CFAP70: variants seen among roughly 807,000 people sequenced by gnomAD.
CFAP70 encodes the protein cilia- and flagella-associated protein 70.
Under a neutral mutation model 137.6 loss-of-function variants are expected in CFAP70, and 81 were observed. The ratio of observed to expected loss-of-function variants is 0.59; its 90% CI spans 0.49 to 0.71. CFAP70 has a LOEUF of 0.71. CFAP70 is among the 30% of genes least tolerant of loss of function. The pLI is 0.00. For synonymous variants in CFAP70, 382 were observed against 423.6 expected, an observed-to-expected ratio of 0.90 and a Z score of 1.20; for missense variants, 976 against 1,226.7, an observed-to-expected ratio of 0.80 and a Z score of 3.05.
At chr10:73,292,148 G>T in intron 16 of CFAP70, 134 bp from the exon 18 acceptor site, 1 of 1,102,060 alleles carries the variant, frequency 9.1e-7, no homozygotes, top group Non-Finnish European at 1.3e-6. Context: ...GCTTATCACT[G>T]AATCTCAAAT....
chr10:73,273,557 G>A (rs1343249626), intron 23 of CFAP70, among the ~76,000 whole-genome samples: 1 of 152,196 alleles, frequency 6.6e-6, no homozygotes, highest in African/African-American at 2.4e-5. Flanking sequence ...ATCTATAGCT[G>A]AGCCTCAGCA....
At chr10:73,330,286 C>T (rs2051940710) in intron 8 of CFAP70, among the ~76,000 whole-genome samples, 2 of 151,670 alleles carry the variant, frequency 1.3e-5, no homozygotes. Flanking sequence ...CCTGTCTCTG[C>T]TAAAAATACA....
At chr10:73,340,496 G>A (rs925845150) in intron 6 of CFAP70, among the ~76,000 whole-genome samples, 4 of 152,228 alleles carry the variant, frequency 2.6e-5, no homozygotes, top group African/African-American at 4.8e-5. Context: ...GACCTAAGGC[G>A]GTCCCTGGCC....
chr10:73,311,904 C>G, exon 11 of CFAP70: 3 of 1,613,664 alleles, frequency 1.9e-6, no homozygotes, highest in Non-Finnish European at 2.5e-6. Flanking sequence ...AGATTTTATA[C>G]TAGGTGCCTG....
upstream of CFAP70, among the ~76,000 whole-genome samples, chr10:73,362,220 G>A (rs2055037963): frequency 6.6e-6 from 1 of 152,120 alleles, no homozygotes; most frequent in African/African-American, 2.4e-5. Flanking sequence ...AAAGAATGAA[G>A]TTGGACCCTT....
chr10:73,293,428 A>G (rs1204880435), intron 15 of CFAP70, 40 bp from the exon 17 acceptor site: 2 of 1,530,626 alleles, frequency 1.3e-6, no homozygotes, highest in Non-Finnish European at 8.8e-7. Flanking sequence ...AAAATGAAAC[A>G]ATTACAAGTA....
intron 6 of CFAP70, 121 bp downstream of exon 7, chr10:73,341,278 T>C: frequency 1.2e-6 from 1 of 857,092 alleles, no homozygotes; most frequent in Non-Finnish European, 1.8e-6. Flanking sequence ...ATGTGTTTTA[T>C]TTTGGCATGT....
chr10:73,310,095 T>G, intron 12 of CFAP70, 63 bp downstream of exon 13: 1 of 1,047,998 alleles, frequency 9.5e-7, no homozygotes, highest in Non-Finnish European at 1.4e-6. Context: ...GTGGGGACAA[T>G]CTGACTTCCT....
chr10:73,268,747 G>A (rs758905217), intron 25 of CFAP70, among the ~76,000 whole-genome samples: 4 of 151,342 alleles, frequency 2.6e-5, no homozygotes, highest in Non-Finnish European at 5.9e-5. Flanking sequence ...AGGTTGGAGT[G>A]CAGTGGCACA....
Position 73,339,860 on chromosome 10 carries a change from G to A in CFAP70, c.582+1539C>T, listed in dbSNP as rs547963760. Among the ~76,000 whole-genome samples, 19 of 152,318 alleles carry A rather than the reference G, an allele frequency of 1.2e-4. No homozygotes were observed. In the South Asian group the frequency reaches 2.9e-3, roughly 23 times the overall value. On this transcript the variant is annotated intron_variant, in intron 6 of 26. Coordinates refer to ENST00000310715, the Ensembl canonical transcript of CFAP70. Reference sequence around the variant, plus strand: ...GGGAGCTCCTAGGTCTGGGCTTCCCGAAGCACCATAACTCTTCTCTCTTCT... The same window carrying A: ...GGGAGCTCCTAGGTCTGGGCTTCCCAAAGCACCATAACTCTTCTCTCTTCT...
chr10:73,337,339 C>A (rs1315175086), intron 6 of CFAP70, among the ~76,000 whole-genome samples: 3 of 151,956 alleles, frequency 2.0e-5, no homozygotes, highest in Non-Finnish European at 2.9e-5. Flanking sequence ...CAGAAACCAG[C>A]AGGGCATGGT....
intron 25 of CFAP70, among the ~76,000 whole-genome samples, chr10:73,268,172 AG>A (rs1324051578): frequency 6.6e-6 from 1 of 152,186 alleles, no homozygotes; most frequent in Non-Finnish European, 1.5e-5. Context: ...ATCTTAGGGG[AG>A]GGGGCCATCT....
At chr10:73,263,626 C>T (rs2045487564) in intron 25 of CFAP70, among the ~76,000 whole-genome samples, 2 of 152,288 alleles carry the variant, frequency 1.3e-5, no homozygotes, top group Middle Eastern at 3.4e-3. Context: ...GTTCTCAGTG[C>T]ACCATATCAG....
At chr10:73,318,506 G>T (rs75734187) in intron 9 of CFAP70, among the ~76,000 whole-genome samples, 5 of 151,854 alleles carry the variant, frequency 3.3e-5, no homozygotes, top group South Asian at 4.2e-4. Context: ...ATAATAAAAG[G>T]GACAGTTAAA....
At chr10:73,287,493 G>T (rs550530489) in intron 19 of CFAP70, among the ~76,000 whole-genome samples, 16 of 152,212 alleles carry the variant, frequency 1.1e-4, no homozygotes, top group African/African-American at 3.9e-4. Flanking sequence ...TTAATCCTAG[G>T]TGATATATGC....
intron 3 of CFAP70, 85 bp from the exon 4 acceptor site, chr10:73,348,606 G>T: frequency 2.3e-6 from 2 of 875,088 alleles, no homozygotes; most frequent in Non-Finnish European, 3.4e-6. Context: ...CATTGTCAAA[G>T]ATATGTAAGT....
Position 73,256,435 on chromosome 10 carries a change from T to C in CFAP70, c.3028-19A>G. 1 of 1,613,936 alleles carries C rather than the reference T, an allele frequency of 6.2e-7. No individual in the cohort carries two copies. The highest frequency in any genetic ancestry group is 8.5e-7 in the Non-Finnish European group (1 of 1,179,944). ...GTCCAACCTGAAAAAAGTGCAGCAGTTGGTGATGATGACAGGTCATAAACA... is the reference window on the plus strand; with the variant it reads ...GTCCAACCTGAAAAAAGTGCAGCAGCTGGTGATGATGACAGGTCATAAACA... On this transcript the variant is annotated intron_variant, in intron 25 of 26. Transcript: ENST00000310715.
chr10:73,359,895 T>TA (rs112418911), upstream of CFAP70, among the ~76,000 whole-genome samples: 44 of 150,228 alleles, frequency 2.9e-4, no homozygotes, highest in Admixed American at 4.0e-4. Context: ...TGAAACACAC[T>TA]AAAAAAAAAC....
exon 16 of CFAP70, chr10:73,293,302 G>C: frequency 6.2e-7 from 1 of 1,612,016 alleles, no homozygotes; most frequent in Non-Finnish European, 8.5e-7. Context: ...AGTTCTCATT[G>C]ACTTCTGCTT....
Sources: gnomAD v4.1 joint callset for allele counts (sites outside exome capture counted in the v4.1 genomes callset) on GRCh38, gnomAD v4.1.1 for gene constraint, MANE v1.5 for transcripts, NCBI Gene and HGNC (gene_info 2026-07-23, HGNC 2026-07-21) for gene names.